Variants in ZFAT observed in about 807,000 individuals in gnomAD.
ZFAT encodes the protein zinc finger and AT-hook domain containing.
In ZFAT, 64 loss-of-function variants were observed where a neutral mutation model predicts 117.7. That is an observed-to-expected ratio of 0.54 (90% CI 0.44 to 0.67). ZFAT has a LOEUF of 0.67. Among genes scored for constraint, ZFAT ranks in the 30% least tolerant of loss-of-function variants. The probability of loss-of-function intolerance (pLI) is 0.00; values close to 1 mark genes in which losing one functional copy is unlikely to be tolerated. For missense variants in ZFAT, 1,433 were observed against 1,584.5 expected, an observed-to-expected ratio of 0.90 and a Z score of 1.62; for synonymous variants, 679 against 615.0, an observed-to-expected ratio of 1.10 and a Z score of -1.54.
intron 3 of ZFAT, among the ~76,000 whole-genome samples, chr8:134,619,287 C>G (rs928203154): frequency 3.3e-5 from 5 of 151,578 alleles, no homozygotes; most frequent in African/African-American, 1.2e-4. Flanking sequence ...AAAATAGAAA[C>G]AAAAATAAAA....
intron 1 of ZFAT, among the ~76,000 whole-genome samples, chr8:134,667,271 A>C (rs754710459): frequency 6.6e-6 from 1 of 152,110 alleles, no homozygotes; most frequent in Non-Finnish European, 1.5e-5. Context: ...AGATGGGCGG[A>C]TCAGAGGTCA....
At chr8:134,754,513 G>C in the ZFAT span, among the ~76,000 whole-genome samples, 11,734 of 152,274 alleles carry the variant, frequency 0.077, 834 homozygotes, top group African/African-American at 0.18. Context: ...CCAACTCCAG[G>C]ACTGCCCCTT....
the ZFAT span, among the ~76,000 whole-genome samples, chr8:134,719,632 C>T: frequency 6.6e-6 from 1 of 152,144 alleles, no homozygotes; most frequent in African/African-American, 2.4e-5. Context: ...TAAAAACAGA[C>T]ATAAAACATG....
At chr8:134,497,714 C>T (rs1405326984) in intron 15 of ZFAT, among the ~76,000 whole-genome samples, 7 of 78,032 alleles carry the variant, frequency 9.0e-5, no homozygotes, top group African/African-American at 3.5e-4. Flanking sequence ...ACACACACAG[C>T]CTGATTTGGT....
In ZFAT at chr8:134,637,525, C is replaced by T. The variant is rs138394119; in HGVS notation, c.384G>A (p.Thr128=). ...TGCAGATGTGCTTCCGCAGCTGGCG[C>T]GTGTTGGAGAACTTCCGACAGCACT... ...CSKCCRKFSN[T]RQLRKHICII... is the part of the protein sequence containing the mutation. The change falls in exon 3 of 16, where the codon ACG becomes ACA. Residue 128 remains threonine, a synonymous_variant. Transcript: ENST00000377838. The T allele has an allele frequency of 2.7e-4, 430 of 1,614,164 alleles. 3 individuals carry two copies. The South Asian group carries it at 3.8e-3, about 14-fold the overall frequency.
At chr8:134,651,066 T>C (rs1339008155) in intron 2 of ZFAT, among the ~76,000 whole-genome samples, 1 of 152,258 alleles carries the variant, frequency 6.6e-6, no homozygotes, top group Non-Finnish European at 1.5e-5. Flanking sequence ...GGATCCTTTA[T>C]ATGCTGTTGA....
At chr8:134,724,549 A>G in the ZFAT span, among the ~76,000 whole-genome samples, 1,794 of 152,190 alleles carry the variant, frequency 0.012, 18 homozygotes, top group Middle Eastern at 0.054. Flanking sequence ...AGATTTCGTT[A>G]GTATAATAAC....
At chr8:134,756,168 CAT>C in the ZFAT span, among the ~76,000 whole-genome samples, 1 of 152,214 alleles carries the variant, frequency 6.6e-6, no homozygotes, top group Non-Finnish European at 1.5e-5. Context: ...AAGACTCTGG[CAT>C]AAGCCTCAGT....
rs1827334239 is a variant in ZFAT at position 134,600,491 on chromosome 8, T to C, written c.2420A>G (p.Tyr807Cys). Residue 807 changes from tyrosine to cysteine, a missense_variant, in exon 7 of 16, where the codon TAC becomes TGC. By Grantham distance (194) the Tyr-to-Cys change is radical (BLOSUM62 -2). Coordinates refer to ENST00000377838, the MANE Select transcript of ZFAT (RefSeq NM_020863.4). ...LLKCPTDGCD[Y>C]STPDKYKLQA... ...TAGCTTATATTTATCTGGAGTTGAGTAGTCACAGCCATCGGTGGGACACTT... is the reference window on the plus strand; with the variant it reads ...TAGCTTATATTTATCTGGAGTTGAGCAGTCACAGCCATCGGTGGGACACTT... 1 of 1,614,072 alleles carries C rather than the reference T, an allele frequency of 6.2e-7. No homozygotes were observed. Among genetic ancestry groups the C allele is most frequent in the Non-Finnish European group, 8.5e-7 (1 of 1,180,044 alleles).
intron 15 of ZFAT, among the ~76,000 whole-genome samples, chr8:134,489,863 C>T (rs1401084866): frequency 6.6e-6 from 1 of 152,120 alleles, no homozygotes; most frequent in Non-Finnish European, 1.5e-5. Flanking sequence ...CACTTCCTGC[C>T]CACCCAACCT....
At position 134,602,407 on chromosome 8, in the gene ZFAT, C is replaced by T; in HGVS notation, c.1312G>A (p.Gly438Ser). Residue 438 changes from glycine to serine, a missense_variant, in exon 6 of 16, where the codon GGC (glycine) becomes AGC (serine). By Grantham distance (56) the Gly-to-Ser change is moderately conservative (BLOSUM62 0). Around this residue, in one of 5 missense-constraint regions of ZFAT, gnomAD observed 73 missense variants for 122.0 expected, o/e 0.60. Coordinates refer to ENST00000377838, the MANE Select transcript of ZFAT (RefSeq NM_020863.4). ...GCCTGGTACTTGGTGGCCCCATGGC[C>T]ACAGAGCTCACAGGCAAAAGGCCAC... ...DKWPFACELC[G>S]HGATKYQALE... 6.2e-7 allele frequency: 1 copy of T among 1,613,896 alleles called. No individual in the cohort carries two copies. The highest frequency in any genetic ancestry group is 1.1e-5 in the South Asian group (1 of 91,092).
At chr8:134,830,189 A>C in the ZFAT span, among the ~76,000 whole-genome samples, 2 of 152,210 alleles carry the variant, frequency 1.3e-5, no homozygotes, top group Non-Finnish European at 2.9e-5. Context: ...GAGAGAAGAG[A>C]GAAAAACATA....
chr8:134,478,707 C>T lies in ZFAT; in HGVS notation c.3507G>A (p.Glu1169=), dbSNP rs1473374594. 1 of 1,568,296 alleles carries T rather than the reference C, an allele frequency of 6.4e-7. No individual in the cohort carries two copies. The highest frequency in any genetic ancestry group is 1.2e-5 in the South Asian group (1 of 85,116). ...VTVVKQVTEE[E]PSSNHTVMIQ... The stretch of plus-strand genomic sequence containing the variant: ...TCATGACCGTGTGGTTGGAGCTGGG[C>T]TCCTCCTCGGTGACCTGCGGGAGGA... Residue 1169 remains glutamate (E), a synonymous_variant, in exon 16 of 16, where the codon GAG becomes GAA. Transcript: ENST00000377838. This position sits in a 1 kb window ranked among gnomAD's most constrained non-coding sequence, Gnocchi z 5.2.
intron 15 of ZFAT, among the ~76,000 whole-genome samples, chr8:134,489,583 G>T (rs144479794): frequency 2.0e-5 from 3 of 152,082 alleles, no homozygotes; most frequent in Non-Finnish European, 4.4e-5. Context: ...CATCTCTGCC[G>T]CATCTGTCTC....
At chr8:134,481,635 C>T (rs73709607) in intron 15 of ZFAT, among the ~76,000 whole-genome samples, 28,697 of 152,158 alleles carry the variant, frequency 0.19, 2,935 homozygotes, top group Middle Eastern at 0.23. Flanking sequence ...TTAGGGGCAG[C>T]GGCTGCAGCC....
intron 3 of ZFAT, among the ~76,000 whole-genome samples, chr8:134,616,107 GT>G (rs1828715063): frequency 6.6e-6 from 1 of 152,108 alleles, no homozygotes; most frequent in Non-Finnish European, 1.5e-5. Flanking sequence ...AAAAGCAGGT[GT>G]TTCATGGAGA....
chr8:134,489,224 G>A (rs1817877856), intron 15 of ZFAT, among the ~76,000 whole-genome samples: 1 of 152,066 alleles, frequency 6.6e-6, no homozygotes, highest in African/African-American at 2.4e-5. Context: ...CTCCAGGTAG[G>A]GAGGCCAGGG....
At chr8:134,601,433 G>A in intron 6 of ZFAT, 44 bp downstream of exon 6, 1 of 1,554,134 alleles carries the variant, frequency 6.4e-7, no homozygotes, top group East Asian at 2.3e-5. Context: ...ACCACAGCAT[G>A]ATGGTTGTGG....
the ZFAT span, among the ~76,000 whole-genome samples, chr8:134,752,192 G>T: frequency 6.6e-6 from 1 of 152,158 alleles, no homozygotes; most frequent in African/African-American, 2.4e-5. Flanking sequence ...TTTCTGCCTT[G>T]CCCACCCCAC....
Sources: allele counts gnomAD v4.1 joint callset (sites outside exome capture counted in the v4.1 genomes callset), GRCh38; gene constraint gnomAD v4.1.1; regional missense constraint gnomAD v4.1.1; non-coding constraint Gnocchi (gnomAD v3.1); transcripts MANE v1.5; gene names NCBI Gene and HGNC (gene_info 2026-07-23, HGNC 2026-07-21).